The following BMP6 variants were observed in gnomAD, a reference collection of about 807,000 sequenced individuals.
The protein encoded by BMP6 is VG-1-R.
BMP6 carries 17 observed loss-of-function variants against 54.1 expected under a neutral mutation model. That is an observed-to-expected ratio of 0.31 (90% confidence interval 0.22 to 0.47). BMP6 has a LOEUF of 0.47. Among genes scored for constraint, BMP6 ranks in the 20% least tolerant of loss-of-function variants. The pLI, the probability that BMP6 is intolerant of heterozygous loss-of-function variation, is 1.00. For missense variants in BMP6, 720 were observed against 690.4 expected (o/e 1.04, Z -0.48); for synonymous variants, 328 against 291.2 (o/e 1.13, Z -1.28).
chr6:7,879,239 C>G, intron 5 of BMP6, 89 bp downstream of exon 5: 1 of 1,358,402 alleles, frequency 7.4e-7, no homozygotes. Context: ...ACACCCAGAG[C>G]TTGATTGAAG....
chr6:7,749,594 C>T (rs1196137756), intron 1 of BMP6, among the ~76,000 whole-genome samples: 1 of 152,194 alleles, frequency 6.6e-6, no homozygotes, highest in African/African-American at 2.4e-5. Context: ...TCTCTATGGT[C>T]ATGCCTTTGG....
At chr6:7,832,122 G>A (rs879548885) in intron 1 of BMP6, among the ~76,000 whole-genome samples, 1 of 152,182 alleles carries the variant, frequency 6.6e-6, no homozygotes, top group Non-Finnish European at 1.5e-5. Context: ...GAGGTCTAGA[G>A]TTGAGGGTAC....
chr6:7,755,108 CTTGT>C (rs1168137212), intron 1 of BMP6, among the ~76,000 whole-genome samples: 1 of 152,164 alleles, frequency 6.6e-6, no homozygotes, highest in African/African-American at 2.4e-5. Context: ...AGAGTTAGGT[CTTGT>C]TTATTTCTTG....
intron 1 of BMP6, among the ~76,000 whole-genome samples, chr6:7,836,217 A>T (rs1330850847): frequency 6.6e-6 from 1 of 152,192 alleles, no homozygotes; most frequent in Non-Finnish European, 1.5e-5. Context: ...TTTTAAAAAA[A>T]AATGACTATT....
chr6:7,826,657 T>C (rs753972183), intron 1 of BMP6, among the ~76,000 whole-genome samples: 2 of 152,182 alleles, frequency 1.3e-5, no homozygotes, highest in Non-Finnish European at 2.9e-5. Flanking sequence ...CTTAACCTCA[T>C]TCCGACTTTT....
intron 1 of BMP6, among the ~76,000 whole-genome samples, chr6:7,768,801 T>A (rs1366903284): frequency 6.6e-6 from 1 of 152,170 alleles, no homozygotes; most frequent in Non-Finnish European, 1.5e-5. Flanking sequence ...GAAAGGAACA[T>A]TTCTCCCTCT....
intron 1 of BMP6, among the ~76,000 whole-genome samples, chr6:7,754,906 G>T (rs1757489467): frequency 6.6e-6 from 1 of 151,994 alleles, no homozygotes; most frequent in South Asian, 2.1e-4. Flanking sequence ...TTTTAGTAGA[G>T]ACCGGGTTTC....
intron 1 of BMP6, among the ~76,000 whole-genome samples, chr6:7,826,472 CT>C (rs772406874): frequency 6.6e-6 from 1 of 152,182 alleles, no homozygotes; most frequent in Non-Finnish European, 1.5e-5. Flanking sequence ...AATTATGTTA[CT>C]TACGACTTAT....
At chr6:7,786,007 G>A (rs941003419) in intron 1 of BMP6, among the ~76,000 whole-genome samples, 3 of 152,144 alleles carry the variant, frequency 2.0e-5, no homozygotes, top group Non-Finnish European at 2.9e-5. Flanking sequence ...ATGTTTCTTT[G>A]CCCTTGTATT....
At chr6:7,855,566 T>C (rs1259540431) in intron 2 of BMP6, among the ~76,000 whole-genome samples, 4 of 144,454 alleles carry the variant, frequency 2.8e-5, no homozygotes, top group Non-Finnish European at 6.1e-5. Flanking sequence ...TTTTTTTTTT[T>C]TTTTTTTTTT....
intron 1 of BMP6, among the ~76,000 whole-genome samples, chr6:7,734,124 T>G (rs914997815): frequency 6.6e-6 from 1 of 152,188 alleles, no homozygotes; most frequent in Non-Finnish European, 1.5e-5. Flanking sequence ...TGCATAAAGT[T>G]AAGGGTCTGA....
intron 1 of BMP6, among the ~76,000 whole-genome samples, chr6:7,781,398 A>AGT (rs757447310): frequency 2.1e-5 from 3 of 143,084 alleles, no homozygotes; most frequent in Non-Finnish European, 4.9e-5. Flanking sequence ...GCTGAGGCTT[A>AGT]GTGAGCTCGT....
At chr6:7,757,785 A>G (rs79173656) in intron 1 of BMP6, among the ~76,000 whole-genome samples, 212 of 152,298 alleles carry the variant, frequency 1.4e-3, no homozygotes, top group African/African-American at 4.8e-3. Flanking sequence ...TAATTATACA[A>G]TGTATCCACA....
intron 4 of BMP6, among the ~76,000 whole-genome samples, chr6:7,870,027 C>G (rs556162258): frequency 9.8e-5 from 15 of 152,292 alleles, no homozygotes; most frequent in African/African-American, 2.9e-4. Context: ...TCAGTTGTGT[C>G]TCAAGGACAA....
chr6:7,729,258 G>A (rs938305795), intron 1 of BMP6, among the ~76,000 whole-genome samples: 4 of 152,306 alleles, frequency 2.6e-5, no homozygotes, highest in South Asian at 2.1e-4. Context: ...TAACTTTTCT[G>A]CTGCTTCTGA....
At chr6:7,811,384 A>C (rs1336474257) in intron 1 of BMP6, among the ~76,000 whole-genome samples, 3 of 151,982 alleles carry the variant, frequency 2.0e-5, no homozygotes, top group Non-Finnish European at 4.4e-5. Flanking sequence ...TGCTTGGGGG[A>C]GAAAATGGGA....
intron 1 of BMP6, among the ~76,000 whole-genome samples, chr6:7,781,407 G>A (rs114751129): frequency 0.025 from 3,526 of 143,406 alleles, 146 homozygotes; most frequent in African/African-American, 0.081. Flanking sequence ...TAGTGAGCTC[G>A]TCTATTTTTG....
intron 4 of BMP6, among the ~76,000 whole-genome samples, chr6:7,866,483 G>C (rs1759426595): frequency 6.6e-6 from 1 of 152,204 alleles, no homozygotes; most frequent in Non-Finnish European, 1.5e-5. Context: ...GATACCACTT[G>C]GCCAATCCAT....
chr6:7,730,597 G>T (rs9502643), intron 1 of BMP6, among the ~76,000 whole-genome samples: 99,091 of 152,064 alleles, frequency 0.65, 33,514 homozygotes, highest in African/African-American at 0.84. Context: ...CTTAATCCAT[G>T]TAGCAATAGG....
Sources: gnomAD v4.1 joint callset for allele counts (sites outside exome capture counted in the v4.1 genomes callset) on GRCh38, gnomAD v4.1.1 for gene constraint, MANE v1.5 for transcripts, NCBI Gene and HGNC (gene_info 2026-07-23, HGNC 2026-07-21) for gene names.